PTPRD: variants seen among roughly 807,000 people sequenced by gnomAD.
PTPRD encodes receptor-type tyrosine-protein phosphatase delta.
Under a neutral mutation model 214.5 loss-of-function variants are expected in PTPRD, and 34 were observed. The observed-to-expected ratio is 0.16, with a 90% confidence interval of 0.12 to 0.21. The LOEUF (loss-of-function observed/expected upper bound fraction) is 0.21. Ranked by LOEUF, PTPRD falls within the 10% of genes least tolerant of loss-of-function variation. The pLI, the probability that PTPRD is intolerant of heterozygous loss-of-function variation, is 1.00. For synonymous variants in PTPRD, 1,128 were observed against 845.7 expected, an observed-to-expected ratio of 1.33 and a Z score of -5.79; for missense variants, 2,545 against 2,398.7, an observed-to-expected ratio of 1.06 and a Z score of -1.27.
At chr9:8,949,012 T>G (rs2154302691) in intron 11 of PTPRD, among the ~76,000 whole-genome samples, 1 of 152,014 alleles carries the variant, frequency 6.6e-6, no homozygotes, top group South Asian at 2.1e-4. Context: ...TCACCTGAGT[T>G]TAGGAGTTTG....
intron 10 of PTPRD, among the ~76,000 whole-genome samples, chr9:9,101,825 A>T (rs1037524891): frequency 6.6e-6 from 1 of 152,226 alleles, no homozygotes; most frequent in Non-Finnish European, 1.5e-5. Flanking sequence ...CCTTAATCAT[A>T]CATATAGAAA....
chr9:8,655,496 T>C (rs55855913), intron 12 of PTPRD, among the ~76,000 whole-genome samples: 24,971 of 152,110 alleles, frequency 0.16, 2,513 homozygotes, highest in African/African-American at 0.28. Context: ...GTGCCTCATT[T>C]TACCAACTTT....
At chr9:8,992,503 C>G in intron 11 of PTPRD, among the ~76,000 whole-genome samples, 1 of 152,226 alleles carries the variant, frequency 6.6e-6, no homozygotes, top group African/African-American at 2.4e-5. Context: ...CACTGTAAGA[C>G]CTTCGGCTAT....
intron 7 of PTPRD, among the ~76,000 whole-genome samples, chr9:9,603,554 C>A (rs530269088): frequency 1.1e-3 from 165 of 152,258 alleles, no homozygotes; most frequent in African/African-American, 4.0e-3. Context: ...GCATTACCAC[C>A]TGAGCTCCAC....
chr9:9,406,579 G>A (rs979611410), intron 8 of PTPRD, among the ~76,000 whole-genome samples: 1 of 151,884 alleles, frequency 6.6e-6, no homozygotes, highest in African/African-American at 2.4e-5. Context: ...ATTTCAAACT[G>A]ATAAGAGGGA....
chr9:9,448,299 C>G (rs568295974), intron 8 of PTPRD, among the ~76,000 whole-genome samples: 2 of 152,032 alleles, frequency 1.3e-5, no homozygotes, highest in Non-Finnish European at 2.9e-5. Context: ...AGTCCCCACA[C>G]GAGGAGGGAG....
intron 5 of PTPRD, among the ~76,000 whole-genome samples, chr9:9,846,236 T>A (rs1457538773): frequency 6.6e-6 from 1 of 152,082 alleles, no homozygotes; most frequent in Admixed American, 6.6e-5. Context: ...CACCTGTGCA[T>A]AAAGCACTGC....
chr9:9,479,529 A>G (rs1012023619), intron 8 of PTPRD, among the ~76,000 whole-genome samples: 1 of 152,154 alleles, frequency 6.6e-6, no homozygotes, highest in East Asian at 1.9e-4. Context: ...TTCTATGCCA[A>G]TTTTACAAGT....
At chr9:8,502,588 G>A (rs10815891) in intron 23 of PTPRD, among the ~76,000 whole-genome samples, 32,113 of 151,764 alleles carry the variant, frequency 0.21, 3,396 homozygotes, top group East Asian at 0.26. Context: ...TTCTGACTAG[G>A]GGTTCTTATA....
chr9:9,739,234 G>A lies in PTPRD; in HGVS notation c.-325-4663C>T, dbSNP rs948076182. Among the ~76,000 whole-genome samples, 2 of 152,160 alleles carry A rather than the reference G, an allele frequency of 1.3e-5. 1 individual carries two copies. The highest frequency in any genetic ancestry group is 1.3e-4 in the Admixed American group (2 of 15,268). ...AAATACAACACTGAATACAAGTGGT[G>A]ATACTGGGCATCCTTGTCTTTATCT... On this transcript the variant is annotated intron_variant, in intron 6 of 45. Transcript: ENST00000381196.
At chr9:8,883,237 T>C (rs2098461162) in intron 11 of PTPRD, among the ~76,000 whole-genome samples, 1 of 152,200 alleles carries the variant, frequency 6.6e-6, no homozygotes, top group Non-Finnish European at 1.5e-5. Flanking sequence ...GGTTAAATAA[T>C]GTTAACCATG....
At chr9:8,587,300 T>C (rs1022781313) in intron 14 of PTPRD, among the ~76,000 whole-genome samples, 4 of 152,232 alleles carry the variant, frequency 2.6e-5, no homozygotes, top group South Asian at 2.1e-4. Context: ...GGTTTGATCA[T>C]TATTTAGATT....
intron 2 of PTPRD, among the ~76,000 whole-genome samples, chr9:10,405,348 G>A (rs577647381): frequency 1.6e-4 from 25 of 151,640 alleles, no homozygotes; most frequent in African/African-American, 5.8e-4. Context: ...ACAGTGACAT[G>A]GAATTTTTAC....
chr9:9,752,801 G>C (rs182363108), intron 6 of PTPRD, among the ~76,000 whole-genome samples: 1 of 151,940 alleles, frequency 6.6e-6, no homozygotes, highest in Non-Finnish European at 1.5e-5. Context: ...GGCCTGGCAC[G>C]ACCTTTCTAG....
chr9:8,350,932 G>C (rs1402550700), intron 39 of PTPRD, among the ~76,000 whole-genome samples: 2 of 152,114 alleles, frequency 1.3e-5, no homozygotes, highest in African/African-American at 2.4e-5. Flanking sequence ...AATTTCAAAT[G>C]CACATACTCT....
intron 9 of PTPRD, among the ~76,000 whole-genome samples, chr9:9,328,617 G>T (rs865983509): frequency 2.9e-5 from 1 of 33,934 alleles, no homozygotes; most frequent in African/African-American, 1.0e-4. Context: ...TGTTGTTCTT[G>T]CTTTTTTTTT....
chr9:8,782,217 T>G (rs1220886331), intron 11 of PTPRD, among the ~76,000 whole-genome samples: 1 of 152,070 alleles, frequency 6.6e-6, no homozygotes, highest in Non-Finnish European at 1.5e-5. Context: ...ATGTATATAT[T>G]GTGGAATGGA....
chr9:8,757,386 A>T (rs1435094985), intron 11 of PTPRD, among the ~76,000 whole-genome samples: 1 of 152,106 alleles, frequency 6.6e-6, no homozygotes, highest in Non-Finnish European at 1.5e-5. Context: ...TAATCAGCAT[A>T]AGATTTAGAT....
At chr9:9,730,831 G>GA (rs1374212537) in intron 7 of PTPRD, among the ~76,000 whole-genome samples, 1 of 152,118 alleles carries the variant, frequency 6.6e-6, no homozygotes, top group Non-Finnish European at 1.5e-5. Context: ...CTGGAAGCAT[G>GA]AAATGAGAAT....
Sources: allele counts gnomAD v4.1 joint callset (sites outside exome capture counted in the v4.1 genomes callset), GRCh38; gene constraint gnomAD v4.1.1; transcripts MANE v1.5; gene names NCBI Gene and HGNC (gene_info 2026-07-23, HGNC 2026-07-21).